ATXN8OS: variants seen among roughly 807,000 people sequenced by gnomAD.
ATXN8OS encodes ATXN8 opposite strand (non-protein coding).
At chr13:70,111,555 G>A (rs9529682) in intron 1 of ATXN8OS, among the ~76,000 whole-genome samples, 109,295 of 151,952 alleles carry the variant, frequency 0.72, 39,595 homozygotes, top group South Asian at 0.85. Flanking sequence ...TTCTGCCCTC[G>A]AGACCCAATC....
At chr13:70,108,641 C>T (rs1888145286) in intron 1 of ATXN8OS, 1 of 152,234 alleles carries the variant, frequency 6.6e-6, no homozygotes. Context: ...TCCTTCCTCG[C>T]TACATTACTG....
At chr13:70,170,040 G>C (rs1889126963) in exon 5 of ATXN8OS, among the ~76,000 whole-genome samples, 1 of 152,118 alleles carries the variant, frequency 6.6e-6, no homozygotes, top group Non-Finnish European at 1.5e-5. Context: ...CTGTGGTTGT[G>C]AACAGCGAGA....
chr13:70,130,599 G>A (rs1417468283), intron 3 of ATXN8OS: 2 of 397,478 alleles, frequency 5.0e-6, no homozygotes, highest in African/African-American at 4.1e-5. Flanking sequence ...GGTGTGAGTT[G>A]TGGGAGAGAT....
At chr13:70,158,174 C>G (rs1327552137) in intron 4 of ATXN8OS, among the ~76,000 whole-genome samples, 1 of 152,078 alleles carries the variant, frequency 6.6e-6, no homozygotes, top group Non-Finnish European at 1.5e-5. Flanking sequence ...AATCCTAGCA[C>G]TTTGGGAGGC....
rs1436504114 is a variant in ATXN8OS at position 70,139,374 on chromosome 13, A to ACTGCTACTG, written n.500-7979_500-7978insGCTACTGCT. 4 of 648,836 alleles carry ACTGCTACTG rather than the reference A, an allele frequency of 6.2e-6. 1 individual carries two copies. The highest frequency in any genetic ancestry group is 3.0e-5 in the East Asian group (1 of 32,938). 40.2% of individuals were successfully genotyped at this position (648,836 alleles called of 1,614,324 possible). On this transcript the variant is annotated intron_variant and non_coding_transcript_variant, in intron 3 of 4. Transcript: ENST00000678624. ...CTTTACTACTACTACTACTACTACT[A>ACTGCTACTG]CTACTACTACTGCTGCTGCTGCTGC...
chr13:70,108,298 G>C (rs1013552567), intron 1 of ATXN8OS: 12 of 354,846 alleles, frequency 3.4e-5, no homozygotes, highest in African/African-American at 2.5e-4. Flanking sequence ...CCGATAGCCT[G>C]CCGGGTGGCT....
intron 4 of ATXN8OS, among the ~76,000 whole-genome samples, chr13:70,163,399 T>G (rs200598693): frequency 0.083 from 12,592 of 152,030 alleles, 656 homozygotes; most frequent in Non-Finnish European, 0.098. Flanking sequence ...TCTTTCATTT[T>G]CCCATATGTC....
At chr13:70,124,877 A>C (rs534878898) in intron 2 of ATXN8OS, among the ~76,000 whole-genome samples, 2 of 150,778 alleles carry the variant, frequency 1.3e-5, no homozygotes, top group Admixed American at 1.3e-4. Flanking sequence ...AAGGATTTTT[A>C]ATTTCTTCTT....
At position 70,166,917 on chromosome 13, in the gene ATXN8OS, G is replaced by A. The variant is rs549174633; in HGVS notation, n.574-2836G>A. Among the ~76,000 whole-genome samples, 7 of 151,664 alleles carry A rather than the reference G, an allele frequency of 4.6e-5. No homozygotes were observed. The South Asian group carries it at 1.5e-3, about 32-fold the overall frequency. ...GCAGCCAAAAAACACATGAAAAAAT[G>A]CTCATCATCACTGGCCATCAGAGAA... On this transcript the variant is annotated intron_variant and non_coding_transcript_variant, in intron 4 of 4. Transcript: ENST00000678624.
Position 70,157,494 on chromosome 13 carries a change from A to G in ATXN8OS, n.573+10066A>G, listed in dbSNP as rs545662320. ...GGAAAGAAGACAGCCAATTAACTGGACTCACATGACTAAGATATCCAGAGA... is the reference window on the plus strand; with the variant it reads ...GGAAAGAAGACAGCCAATTAACTGGGCTCACATGACTAAGATATCCAGAGA... On this transcript the variant is annotated intron_variant and non_coding_transcript_variant, in intron 4 of 4. Coordinates refer to ENST00000678624, the Ensembl canonical transcript of ATXN8OS. 6.7e-4 allele frequency among the ~76,000 whole-genome samples: 73 copies of G among 108,424 alleles called. 1 individual carries two copies. Among genetic ancestry groups the G allele is most frequent in the African/African-American group, 1.8e-3 (71 of 38,802 alleles). The allele number at this position is 108,424 out of a possible 152,430, so 71.1% of individuals were successfully genotyped here.
At chr13:70,112,940 T>TTTTG (rs1888219088) in intron 1 of ATXN8OS, among the ~76,000 whole-genome samples, 1 of 141,784 alleles carries the variant, frequency 7.1e-6, no homozygotes, top group Non-Finnish European at 1.5e-5. Context: ...TTTTTTTTTT[T>TTTTG]GAGATGGAGT....
intron 3 of ATXN8OS, among the ~76,000 whole-genome samples, chr13:70,138,431 T>A (rs1888650074): frequency 6.6e-6 from 1 of 152,166 alleles, no homozygotes; most frequent in African/African-American, 2.4e-5. Context: ...CTGAAAATTT[T>A]AAAATGCAAA....
intron 3 of ATXN8OS, chr13:70,131,401 G>A (rs952651091): frequency 2.5e-5 from 10 of 398,262 alleles, no homozygotes; most frequent in Admixed American, 1.3e-4. Flanking sequence ...ACCGTGACAC[G>A]TATCTGTCTC....
chr13:70,139,388 T>TACG lies in ATXN8OS; in HGVS notation n.500-7967_500-7966insACG, dbSNP rs1198593259. On this transcript the variant is annotated intron_variant and non_coding_transcript_variant, in intron 3 of 4. Transcript: ENST00000678624. ...CTACTACTACTACTACTACTACTGC[T>TACG]GCTGCTGCTGCTGCTGCTGCTGCTG... The TACG allele has an allele frequency of 2.4e-4, 87 of 358,712 alleles. 1 individual carries two copies. The African/African-American group carries it at 3.1e-3, about 13-fold the overall frequency. 22.2% of individuals were successfully genotyped at this position (358,712 alleles called of 1,614,324 possible). A position where few individuals can be genotyped will look rare whatever the true frequency, so the allele number is the denominator to read the frequency against.
chr13:70,163,780 G>T (rs1889038550), intron 4 of ATXN8OS, among the ~76,000 whole-genome samples: 1 of 151,014 alleles, frequency 6.6e-6, no homozygotes, highest in African/African-American at 2.4e-5. Context: ...AAAAATATTT[G>T]GCTTTCTAAA....
chr13:70,119,556 G>A (rs1227883579), intron 2 of ATXN8OS, among the ~76,000 whole-genome samples: 2 of 151,956 alleles, frequency 1.3e-5, no homozygotes, highest in African/African-American at 4.8e-5. Context: ...ACATGCACAT[G>A]GAGTTTGAAG....
chr13:70,167,147 C>A (rs1294837599), intron 4 of ATXN8OS, among the ~76,000 whole-genome samples: 1 of 151,796 alleles, frequency 6.6e-6, no homozygotes, highest in East Asian at 1.9e-4. Flanking sequence ...ACCATTTGAC[C>A]CAGCCATCCC....
intron 1 of ATXN8OS, among the ~76,000 whole-genome samples, chr13:70,114,466 T>C (rs1888246584): frequency 1.3e-5 from 2 of 152,170 alleles, no homozygotes; most frequent in African/African-American, 4.8e-5. Context: ...ATTGAAATCA[T>C]AGCCTACTTA....
intron 3 of ATXN8OS, chr13:70,131,203 C>T: frequency 2.5e-6 from 1 of 396,582 alleles, no homozygotes; most frequent in Non-Finnish European, 4.4e-6. Context: ...ATATCTGTCA[C>T]AATGTGTACA....
Sources: allele counts gnomAD v4.1 joint callset (sites outside exome capture counted in the v4.1 genomes callset), GRCh38; gene constraint gnomAD v4.1.1; transcripts MANE v1.5; gene names NCBI Gene and HGNC (gene_info 2026-07-23, HGNC 2026-07-21).